TENM3: variants seen among roughly 807,000 people sequenced by gnomAD.
TENM3 encodes teneurin transmembrane protein 3.
In TENM3, 63 loss-of-function variants were observed where a neutral mutation model predicts 255.1. That is an observed-to-expected ratio of 0.25 (90% CI 0.20 to 0.30). TENM3 has a LOEUF of 0.30. Ranked by LOEUF, TENM3 falls within the 10% of genes least tolerant of loss-of-function variation. The probability of loss-of-function intolerance (pLI) is 1.00; values close to 1 mark genes in which losing one functional copy is unlikely to be tolerated. For missense variants in TENM3, 2,929 were observed against 3,461.1 expected (o/e 0.85, Z 3.86); for synonymous variants, 1,306 against 1,322.3 (o/e 0.99, Z 0.27).
intron 1 of TENM3, among the ~76,000 whole-genome samples, chr4:182,221,993 T>C (rs1755877877): frequency 6.6e-6 from 1 of 152,216 alleles, no homozygotes; most frequent in East Asian, 1.9e-4. Context: ...ATTTCTCTTC[T>C]GTCACAGTTA....
chr4:182,366,246 A>G (rs1331257017), intron 3 of TENM3, among the ~76,000 whole-genome samples: 1 of 151,960 alleles, frequency 6.6e-6, no homozygotes, highest in Admixed American at 6.6e-5. Flanking sequence ...TTTTTTTTAC[A>G]AACTTTAAAA....
the TENM3 span, among the ~76,000 whole-genome samples, chr4:181,862,297 AC>A: frequency 2.0e-5 from 3 of 152,112 alleles, no homozygotes; most frequent in African/African-American, 7.2e-5. Context: ...GCTTAGGGTC[AC>A]GAAAGGCCAT....
the TENM3 span, among the ~76,000 whole-genome samples, chr4:181,505,129 T>A: frequency 1.3e-5 from 2 of 152,324 alleles, no homozygotes; most frequent in East Asian, 3.9e-4. Flanking sequence ...CTGCTCGATA[T>A]CAGGTGTGCT....
chr4:182,414,531 C>T (rs546927883), intron 3 of TENM3, among the ~76,000 whole-genome samples: 32 of 152,090 alleles, frequency 2.1e-4, no homozygotes, highest in African/African-American at 6.3e-4. Context: ...ACGAGGAAAC[C>T]GAGCTTTATT....
chr4:182,042,470 G>C, the TENM3 span, among the ~76,000 whole-genome samples: 1 of 152,134 alleles, frequency 6.6e-6, no homozygotes, highest in Non-Finnish European at 1.5e-5. Flanking sequence ...TGTCCTAGAG[G>C]AAGTCATTCA....
chr4:182,679,562 A>G, intron 7 of TENM3, 104 bp from the exon 8 acceptor site: 7 of 915,890 alleles, frequency 7.6e-6, no homozygotes, highest in African/African-American at 5.0e-5. Flanking sequence ...TCTTTCTAAC[A>G]TTGTATTTGT....
intron 6 of TENM3, among the ~76,000 whole-genome samples, chr4:182,670,529 C>A (rs543673649): frequency 7.2e-5 from 11 of 152,302 alleles, no homozygotes; most frequent in African/African-American, 2.6e-4. Flanking sequence ...GCTCTTGAAA[C>A]AGTGATTTCA....
chr4:182,727,355 C>CTGAGGCAGGAGAATCACTTGAACCAG (rs1760285900), intron 13 of TENM3, among the ~76,000 whole-genome samples: 1 of 149,972 alleles, frequency 6.7e-6, no homozygotes, highest in African/African-American at 2.5e-5. Context: ...TCTCAGGAGG[C>CTGAGGCAGGAGAATCACTTGAACCAG]TGAGGCAGGA....
At chr4:181,468,693 C>A in the TENM3 span, among the ~76,000 whole-genome samples, 1 of 152,232 alleles carries the variant, frequency 6.6e-6, no homozygotes, top group Non-Finnish European at 1.5e-5. Context: ...ATCTGTTTCT[C>A]ACTCCATATT....
the TENM3 span, among the ~76,000 whole-genome samples, chr4:181,569,215 G>C: frequency 2.0e-4 from 30 of 152,178 alleles, no homozygotes; most frequent in South Asian, 1.7e-3. Context: ...CTGCTGCCCT[G>C]CTCTTTCTTA....
At chr4:181,872,588 A>C in the TENM3 span, among the ~76,000 whole-genome samples, 1 of 152,212 alleles carries the variant, frequency 6.6e-6, no homozygotes, top group South Asian at 2.1e-4. Context: ...TATTTACACA[A>C]ATGTCCATAA....
Position 182,515,812 on chromosome 4 carries a change from TA to T in TENM3, c.512-85108del, listed in dbSNP as rs202094808. Among the ~76,000 whole-genome samples the T allele has an allele frequency of 3.6e-3, 554 of 152,318 alleles. 3 individuals are homozygous for T. The highest frequency in any genetic ancestry group is 0.011 in the African/African-American group (463 of 41,570). Reference sequence around the variant, plus strand: ...TGAGTTTGTGATGTCTGTGATACAGTAAAAGTCTAATACCCATTTAAAAGGT... The same window carrying T: ...TGAGTTTGTGATGTCTGTGATACAGTAAAGTCTAATACCCATTTAAAAGGT... On this transcript the variant is annotated intron_variant, in intron 3 of 27. Coordinates refer to ENST00000511685, the MANE Select transcript of TENM3 (RefSeq NM_001080477.4).
intron 3 of TENM3, among the ~76,000 whole-genome samples, chr4:182,586,664 G>T (rs1304330132): frequency 6.6e-6 from 1 of 152,142 alleles, no homozygotes; most frequent in East Asian, 1.9e-4. Flanking sequence ...GAATAGAAAG[G>T]ATACGCTGGG....
intron 11 of TENM3, among the ~76,000 whole-genome samples, chr4:182,683,266 G>C (rs28402104): frequency 0.5 from 75,563 of 151,952 alleles, 19,371 homozygotes; most frequent in East Asian, 0.78. Context: ...ATATAACATA[G>C]TTAGTACAGA....
the TENM3 span, among the ~76,000 whole-genome samples, chr4:182,032,917 T>G: frequency 2.0e-5 from 3 of 152,110 alleles, no homozygotes; most frequent in Admixed American, 6.5e-5. Context: ...TTTTATTGTG[T>G]TTGAGTCTTC....
the TENM3 span, among the ~76,000 whole-genome samples, chr4:181,819,398 G>A: frequency 6.6e-6 from 1 of 152,304 alleles, no homozygotes; most frequent in Admixed American, 6.5e-5. Context: ...TTCACCCCTG[G>A]AAAGGGAGAA....
At chr4:181,882,496 G>A in the TENM3 span, among the ~76,000 whole-genome samples, 1 of 152,152 alleles carries the variant, frequency 6.6e-6, no homozygotes, top group Non-Finnish European at 1.5e-5. Flanking sequence ...AGAATTAGAG[G>A]GTGAAGACTG....
At chr4:182,714,313 GCCAA>G in intron 13 of TENM3, 80 bp downstream of exon 13, 2 of 174,300 alleles carry the variant, frequency 1.1e-5, no homozygotes, top group Non-Finnish European at 1.6e-5. Context: ...GATATCTGTT[GCCAA>G]AAAAAAAAAA....
At chr4:181,694,153 G>T in the TENM3 span, among the ~76,000 whole-genome samples, 1 of 152,100 alleles carries the variant, frequency 6.6e-6, no homozygotes, top group Non-Finnish European at 1.5e-5. Context: ...GTAGCAATCA[G>T]CTGTTATTAG....
Sources: gnomAD v4.1 joint callset for allele counts (sites outside exome capture counted in the v4.1 genomes callset) on GRCh38, gnomAD v4.1.1 for gene constraint, MANE v1.5 for transcripts, NCBI Gene and HGNC (gene_info 2026-07-23, HGNC 2026-07-21) for gene names.